Variants in RBPMS observed in about 807,000 individuals in gnomAD.
RBPMS encodes the protein RNA-binding protein with multiple splicing.
In RBPMS, 7 loss-of-function variants were observed where a neutral mutation model predicts 26.8. The ratio of observed to expected loss-of-function variants is 0.26; its 90% CI spans 0.15 to 0.49. RBPMS has a LOEUF of 0.49. RBPMS is among the 20% of genes least tolerant of loss of function. The probability of loss-of-function intolerance (pLI) is 0.98; values close to 1 mark genes in which losing one functional copy is unlikely to be tolerated. For missense variants in RBPMS, 186 were observed against 250.0 expected (o/e 0.74, Z 1.73); for synonymous variants, 96 against 93.3 (o/e 1.03, Z -0.17).
At chr8:30,549,789 T>TCTCTCTCTCTCTCTCCC (rs1826173853) in intron 6 of RBPMS, among the ~76,000 whole-genome samples, 1 of 110,514 alleles carries the variant, frequency 9.0e-6, no homozygotes, top group African/African-American at 4.0e-5. Context: ...TCTCTCTCTC[T>TCTCTCTCTCTCTCTCCC]CTCTCTCCCC....
In RBPMS at chr8:30,455,704, A is replaced by G. The variant is rs192027999; in HGVS notation, c.67-19075A>G. On this transcript the variant is annotated intron_variant, in intron 1 of 8. Transcript: ENST00000397323. ...GGAGATTGAGACCATCCTGGCTAAC[A>G]TGGTGAAACCCCAACTCTACTAAAA... 3.1e-3 allele frequency among the ~76,000 whole-genome samples: 467 copies of G among 152,234 alleles called. 2 individuals carry two copies. The highest frequency in any genetic ancestry group is 0.011 in the African/African-American group (445 of 41,540).
At chr8:30,431,325 T>A (rs957111708) in intron 1 of RBPMS, among the ~76,000 whole-genome samples, 1 of 150,850 alleles carries the variant, frequency 6.6e-6, no homozygotes, top group African/African-American at 2.5e-5. Context: ...ATTTCTTTCT[T>A]TCTCCTTTCT....
intron 5 of RBPMS, among the ~76,000 whole-genome samples, chr8:30,541,272 G>A (rs534889699): frequency 1.4e-4 from 21 of 152,232 alleles, no homozygotes; most frequent in African/African-American, 5.1e-4. Context: ...AGCTCTGTAG[G>A]CTTAAACCTT....
intron 1 of RBPMS, among the ~76,000 whole-genome samples, chr8:30,408,225 T>G (rs1808873802): frequency 6.6e-6 from 1 of 152,062 alleles, no homozygotes; most frequent in Admixed American, 6.6e-5. Context: ...AATGGCAGAT[T>G]CCTTTTCCAA....
chr8:30,442,719 T>G (rs537429495), intron 1 of RBPMS: 2 of 152,296 alleles, frequency 1.3e-5, no homozygotes, highest in South Asian at 2.1e-4. Flanking sequence ...CGGCCCACAC[T>G]GGCCGCCATT....
At chr8:30,556,841 C>T in intron 6 of RBPMS, 1 of 920,418 alleles carries the variant, frequency 1.1e-6, no homozygotes, top group Non-Finnish European at 1.3e-6. Flanking sequence ...TCCCTCTCCT[C>T]CCCTAGACTC....
Position 30,535,720 on chromosome 8 carries a change from C to A in RBPMS, c.398-8774C>A, listed in dbSNP as rs1017152749. On this transcript the variant is annotated intron_variant, in intron 5 of 8. Transcript: ENST00000397323. Reference sequence around the variant, plus strand: ...TGGGATTACAAGCATGTGCCCTGTTCTGTTTTTAAGGATGATTCCCAGTGT... The same window carrying A: ...TGGGATTACAAGCATGTGCCCTGTTATGTTTTTAAGGATGATTCCCAGTGT... 3.3e-5 allele frequency among the ~76,000 whole-genome samples: 5 copies of A among 152,292 alleles called. No individual in the cohort carries two copies. In the South Asian group the frequency reaches 1.0e-3, roughly 32 times the overall value.
At chr8:30,527,042 C>T (rs1386641304) in intron 5 of RBPMS, among the ~76,000 whole-genome samples, 1 of 152,218 alleles carries the variant, frequency 6.6e-6, no homozygotes, top group East Asian at 1.9e-4. Flanking sequence ...TCTTCTGATA[C>T]ATACTTACAA....
chr8:30,510,409 A>G (rs991342872), intron 5 of RBPMS, among the ~76,000 whole-genome samples: 1 of 152,176 alleles, frequency 6.6e-6, no homozygotes, highest in African/African-American at 2.4e-5. Context: ...CTGAAACTCA[A>G]GAGTTTGAGT....
At chr8:30,428,913 C>T (rs1025646677) in intron 1 of RBPMS, among the ~76,000 whole-genome samples, 3 of 151,846 alleles carry the variant, frequency 2.0e-5, no homozygotes, top group African/African-American at 7.3e-5. Context: ...TGTGTAGTGG[C>T]GTCGCCATTT....
At chr8:30,523,069 G>T (rs1823226733) in intron 5 of RBPMS, among the ~76,000 whole-genome samples, 2 of 152,026 alleles carry the variant, frequency 1.3e-5, no homozygotes, top group South Asian at 4.2e-4. Context: ...ACAGCTGATG[G>T]TTTCTCTTTA....
intron 1 of RBPMS, chr8:30,444,687 C>T (rs1018684733): frequency 2.6e-5 from 4 of 152,010 alleles, no homozygotes; most frequent in African/African-American, 9.7e-5. Context: ...TCTGTTTTTC[C>T]CATGGTAAAA....
rs1181705539 is a variant in RBPMS, at chr8:30,549,772, TTC to T, written c.528+5171_528+5172del. On this transcript the variant is annotated intron_variant, in intron 6 of 8. Coordinates refer to ENST00000397323, the MANE Select transcript of RBPMS (RefSeq NM_001008710.3). Reference sequence around the variant, plus strand: ...TTTCCTTTTCTTTTCTTTTCTTTTCTTCTCTCTCTCTCTCTCTCTCTCTCCCC... The same window carrying T: ...TTTCCTTTTCTTTTCTTTTCTTTTCTTCTCTCTCTCTCTCTCTCTCTCCCC... Among the ~76,000 whole-genome samples the T allele has an allele frequency of 5.5e-4, 39 of 71,190 alleles. 1 individual carries two copies. The East Asian group carries it at 6.4e-3, about 12-fold the overall frequency. The allele number at this position is 71,190 out of a possible 152,430, so 46.7% of individuals were successfully genotyped here.
At chr8:30,546,333 T>A (rs1302845607) in intron 6 of RBPMS, among the ~76,000 whole-genome samples, 2 of 152,236 alleles carry the variant, frequency 1.3e-5, no homozygotes, top group Non-Finnish European at 2.9e-5. Flanking sequence ...CCCTGGATAA[T>A]CAAGAGTTGA....
intron 1 of RBPMS, among the ~76,000 whole-genome samples, chr8:30,423,682 T>C (rs1013120736): frequency 2.6e-5 from 4 of 151,970 alleles, no homozygotes; most frequent in African/African-American, 9.7e-5. Flanking sequence ...CTCCCGGAAA[T>C]AGTAAATCTT....
chr8:30,385,584 C>T (rs1717879863), intron 1 of RBPMS, among the ~76,000 whole-genome samples: 1 of 151,962 alleles, frequency 6.6e-6, no homozygotes, highest in South Asian at 2.1e-4. Context: ...TTAAAAGATA[C>T]CTCTATTCCC....
chr8:30,527,309 C>G (rs940007494), intron 5 of RBPMS, among the ~76,000 whole-genome samples: 5 of 152,174 alleles, frequency 3.3e-5, no homozygotes, highest in African/African-American at 1.2e-4. Flanking sequence ...AGGCCTTCCT[C>G]TCGTCCCTAA....
intron 1 of RBPMS, among the ~76,000 whole-genome samples, chr8:30,449,203 T>C (rs55746754): frequency 0.25 from 37,567 of 152,186 alleles, 5,005 homozygotes; most frequent in East Asian, 0.42. Context: ...AAAACTATAA[T>C]GTTTTTAAAC....
At chr8:30,423,302 A>T (rs1811005015) in intron 1 of RBPMS, among the ~76,000 whole-genome samples, 1 of 152,106 alleles carries the variant, frequency 6.6e-6, no homozygotes, top group Admixed American at 6.5e-5. Context: ...GTGTTCCGGC[A>T]CCTTGTGGAT....
Sources: gnomAD v4.1 joint callset for allele counts (sites outside exome capture counted in the v4.1 genomes callset) on GRCh38, gnomAD v4.1.1 for gene constraint, MANE v1.5 for transcripts, NCBI Gene and HGNC (gene_info 2026-07-23, HGNC 2026-07-21) for gene names.